TMEM178B: variants seen among roughly 807,000 people sequenced by gnomAD.
TMEM178B encodes the protein transmembrane protein 178B.
Under a neutral mutation model 31.0 loss-of-function variants are expected in TMEM178B, and 5 were observed. That is an observed-to-expected ratio of 0.16 (90% CI 0.08 to 0.34). The LOEUF is 0.34. TMEM178B is among the 10% of genes least tolerant of loss of function. TMEM178B has a pLI of 1.00. For synonymous variants in TMEM178B, 164 were observed against 164.0 expected, an observed-to-expected ratio of 1.00 and a Z score of 0.00; for missense variants, 275 against 400.3, an observed-to-expected ratio of 0.69 and a Z score of 2.67.
intron 2 of TMEM178B, among the ~76,000 whole-genome samples, chr7:141,296,547 A>G (rs1798637845): frequency 6.6e-6 from 1 of 152,216 alleles, no homozygotes; most frequent in Non-Finnish European, 1.5e-5. Context: ...GGAATATGCT[A>G]AGACAGCCAG....
At chr7:141,127,544 G>A (rs1019949302) in intron 1 of TMEM178B, among the ~76,000 whole-genome samples, 3 of 152,178 alleles carry the variant, frequency 2.0e-5, no homozygotes, top group Non-Finnish European at 4.4e-5. Flanking sequence ...GGATGTTGGA[G>A]CACCAAAGAT....
At position 141,193,440 on chromosome 7, in the gene TMEM178B, G is replaced by A. The variant is rs373472224; in HGVS notation, c.383-19151G>A. Among the ~76,000 whole-genome samples the A allele has an allele frequency of 1.6e-3, 246 of 152,288 alleles. 9 individuals are homozygous for A. The South Asian group carries it at 0.044, about 27-fold the overall frequency. ...CAGAGGAGTTGGGCAGCCCTTCCAGGGTCAGGTGACTCCATCAGCACGAGT... is the reference window on the plus strand; with the variant it reads ...CAGAGGAGTTGGGCAGCCCTTCCAGAGTCAGGTGACTCCATCAGCACGAGT... On this transcript the variant is annotated intron_variant, in intron 1 of 3. Coordinates refer to ENST00000565468, the MANE Select transcript of TMEM178B (RefSeq NM_001195278.2).
intron 2 of TMEM178B, among the ~76,000 whole-genome samples, chr7:141,214,075 G>T (rs992750556): frequency 7.2e-5 from 11 of 152,188 alleles, no homozygotes; most frequent in African/African-American, 2.7e-4. Context: ...AGTCATCAGG[G>T]TTATTAATTT....
intron 2 of TMEM178B, among the ~76,000 whole-genome samples, chr7:141,354,639 A>AC (rs1240045288): frequency 6.6e-6 from 1 of 151,922 alleles, no homozygotes; most frequent in East Asian, 1.9e-4. Context: ...TCTATTATTA[A>AC]CCCCCAAAGT....
chr7:141,475,372 G>C lies in TMEM178B; in HGVS notation c.*4586G>C, dbSNP rs1802344507. The C allele has an allele frequency of 6.6e-6, 1 of 152,030 alleles. No homozygotes were observed. The highest frequency in any genetic ancestry group is 6.6e-5 in the Admixed American group (1 of 15,264). 9.4% of individuals were successfully genotyped at this position (152,030 alleles called of 1,614,324 possible). Reference sequence around the variant, plus strand: ...AAAATGTTTCTTAAACATTATTCCTGGTTCTTAGAATATGTGATTACTGAG... The same window carrying C: ...AAAATGTTTCTTAAACATTATTCCTCGTTCTTAGAATATGTGATTACTGAG... On this transcript the variant is annotated 3_prime_UTR_variant, in exon 4 of 4. Coordinates refer to ENST00000565468, the MANE Select transcript of TMEM178B (RefSeq NM_001195278.2).
intron 3 of TMEM178B, among the ~76,000 whole-genome samples, chr7:141,458,470 T>G (rs1010280211): frequency 6.6e-6 from 1 of 152,216 alleles, no homozygotes; most frequent in Non-Finnish European, 1.5e-5. Context: ...TCCATGCTTC[T>G]GGTTCTGACA....
intron 2 of TMEM178B, among the ~76,000 whole-genome samples, chr7:141,323,505 C>T (rs1586891634): frequency 6.6e-6 from 1 of 152,148 alleles, no homozygotes; most frequent in Admixed American, 6.6e-5. Flanking sequence ...GGCTGCATAG[C>T]GTATCACTTT....
At chr7:141,204,388 C>T (rs1437480820) in intron 1 of TMEM178B, among the ~76,000 whole-genome samples, 6 of 152,192 alleles carry the variant, frequency 3.9e-5, no homozygotes, top group Admixed American at 2.6e-4. Context: ...CCCATAGTTG[C>T]TCAGCGTGGG....
At chr7:141,393,130 C>G (rs1295437432) in intron 2 of TMEM178B, among the ~76,000 whole-genome samples, 1 of 152,134 alleles carries the variant, frequency 6.6e-6, no homozygotes. Flanking sequence ...TTCCTCTCCT[C>G]TTTGGTAAAG....
intron 2 of TMEM178B, among the ~76,000 whole-genome samples, chr7:141,282,846 A>G (rs1023313878): frequency 3.3e-5 from 5 of 152,218 alleles, no homozygotes; most frequent in Non-Finnish European, 7.3e-5. Context: ...TTTCTCCCCA[A>G]CTGCATTGGG....
At chr7:141,229,100 G>GTGTGTGT (rs1554465447) in intron 2 of TMEM178B, among the ~76,000 whole-genome samples, 1 of 134,782 alleles carries the variant, frequency 7.4e-6, no homozygotes, top group African/African-American at 2.8e-5. Context: ...GTGTGTGTGT[G>GTGTGTGT]GTGTGTGTGT....
intron 2 of TMEM178B, among the ~76,000 whole-genome samples, chr7:141,242,749 G>C (rs1285018815): frequency 6.6e-6 from 1 of 151,782 alleles, no homozygotes. Context: ...CACCACATTG[G>C]CCAGGCTGGT....
chr7:141,160,303 G>A (rs539533950), intron 1 of TMEM178B, among the ~76,000 whole-genome samples: 86 of 152,108 alleles, frequency 5.7e-4, no homozygotes, highest in African/African-American at 1.9e-3. Context: ...TAACTCACCA[G>A]CCTCCCATGC....
At chr7:141,127,987 T>A (rs910617907) in intron 1 of TMEM178B, among the ~76,000 whole-genome samples, 3 of 152,180 alleles carry the variant, frequency 2.0e-5, no homozygotes. Context: ...CATAAGAGGA[T>A]CTGATCCCCT....
intron 2 of TMEM178B, among the ~76,000 whole-genome samples, chr7:141,229,125 G>GTGTGTGTGTGTGTGTGTGTC (rs1554465476): frequency 6.8e-6 from 1 of 147,360 alleles, no homozygotes; most frequent in Non-Finnish European, 1.5e-5. Context: ...GTGTGTGTGT[G>GTGTGTGTGTGTGTGTGTGTC]TGTGTGAAAC....
intron 1 of TMEM178B, among the ~76,000 whole-genome samples, chr7:141,174,611 C>G (rs1020481696): frequency 5.9e-5 from 9 of 152,128 alleles, no homozygotes; most frequent in Non-Finnish European, 1.3e-4. Context: ...CTCCACCTCC[C>G]CTCCAGCATC....
At chr7:141,327,584 G>A (rs372371479) in intron 2 of TMEM178B, among the ~76,000 whole-genome samples, 21 of 151,964 alleles carry the variant, frequency 1.4e-4, no homozygotes, top group African/African-American at 5.1e-4. Flanking sequence ...CCCTTTTTGG[G>A]GCATAAGAAG....
rs111947672 is a variant in TMEM178B at position 141,291,370 on chromosome 7, A to G, written c.496+78666A>G. ...CAGCTGAAATTAACAGACGGTGCCT[A>G]TCGTCTGTTATTCTTAAGTAGGTTA... On this transcript the variant is annotated intron_variant, in intron 2 of 3. Transcript: ENST00000565468. Among the ~76,000 whole-genome samples the G allele has an allele frequency of 5.4e-3, 826 of 152,180 alleles. 6 individuals are homozygous for G. The highest frequency in any genetic ancestry group is 0.019 in the African/African-American group (782 of 41,498).
intron 1 of TMEM178B, among the ~76,000 whole-genome samples, chr7:141,141,151 C>A (rs918530552): frequency 2.0e-5 from 3 of 152,188 alleles, no homozygotes; most frequent in Non-Finnish European, 4.4e-5. Flanking sequence ...AGTATCAACT[C>A]ATGAATATTT....
Sources: gnomAD v4.1 joint callset for allele counts (sites outside exome capture counted in the v4.1 genomes callset) on GRCh38, gnomAD v4.1.1 for gene constraint, MANE v1.5 for transcripts, NCBI Gene and HGNC (gene_info 2026-07-23, HGNC 2026-07-21) for gene names.